The following CFAP299 variants were observed in gnomAD, a reference collection of about 807,000 sequenced individuals.
CFAP299 encodes cilia and flagella associated protein 299.
A neutral mutation model predicts 27.0 loss-of-function variants in CFAP299; 21 were observed. The ratio of observed to expected loss-of-function variants is 0.78; its 90% CI spans 0.55 to 1.12. The LOEUF (loss-of-function observed/expected upper bound fraction) is 1.12. CFAP299 is among the 50% of genes most tolerant of loss of function. CFAP299 has a pLI of 0.00. For synonymous variants in CFAP299, 104 were observed against 98.1 expected, an observed-to-expected ratio of 1.06 and a Z score of -0.36; for missense variants, 310 against 276.6, an observed-to-expected ratio of 1.12 and a Z score of -0.86.
At chr4:80,387,241 G>A in intron 2 of CFAP299, 1 of 1,563,100 alleles carries the variant, frequency 6.4e-7, no homozygotes, top group South Asian at 1.1e-5. Flanking sequence ...CCTTGTTGCA[G>A]AAGTGGCCGG....
At chr4:80,458,494 C>T (rs185332668) in intron 2 of CFAP299, among the ~76,000 whole-genome samples, 132 of 152,258 alleles carry the variant, frequency 8.7e-4, no homozygotes, top group African/African-American at 2.9e-3. Context: ...AAAAAAATCT[C>T]ACCAAGGGAG....
intron 3 of CFAP299, among the ~76,000 whole-genome samples, chr4:80,698,685 C>T (rs775909520): frequency 8.5e-5 from 13 of 152,212 alleles, no homozygotes; most frequent in Non-Finnish European, 1.5e-4. Context: ...AATTGACTCA[C>T]AGTTCCACAT....
At chr4:80,356,815 G>A (rs144498205) in intron 1 of CFAP299, among the ~76,000 whole-genome samples, 8 of 151,928 alleles carry the variant, frequency 5.3e-5, no homozygotes, top group East Asian at 3.9e-4. Flanking sequence ...TCCCTATTTC[G>A]ATATGCTTTA....
intron 2 of CFAP299, among the ~76,000 whole-genome samples, chr4:80,510,828 A>G (rs754519928): frequency 5.3e-5 from 8 of 152,210 alleles, no homozygotes; most frequent in Non-Finnish European, 8.8e-5. Flanking sequence ...AGTATGTACA[A>G]TGTTAGATCC....
At chr4:80,490,578 G>A (rs183701677) in intron 2 of CFAP299, among the ~76,000 whole-genome samples, 1 of 152,062 alleles carries the variant, frequency 6.6e-6, no homozygotes, top group Non-Finnish European at 1.5e-5. Context: ...AACCAATAGG[G>A]TTTACATCCT....
intron 3 of CFAP299, among the ~76,000 whole-genome samples, chr4:80,618,533 A>G (rs1738412484): frequency 6.6e-6 from 1 of 152,158 alleles, no homozygotes; most frequent in Non-Finnish European, 1.5e-5. Context: ...AGGGATATAT[A>G]GAAATAATTT....
At chr4:80,603,658 A>G (rs536562400) in intron 3 of CFAP299, among the ~76,000 whole-genome samples, 2 of 152,312 alleles carry the variant, frequency 1.3e-5, no homozygotes, top group East Asian at 3.9e-4. Context: ...TGTTCAGCAC[A>G]TTGTTTTTTA....
At chr4:80,563,777 T>C (rs940883195) in intron 2 of CFAP299, among the ~76,000 whole-genome samples, 3 of 151,720 alleles carry the variant, frequency 2.0e-5, no homozygotes, top group Non-Finnish European at 4.4e-5. Context: ...TTTGAAAAGT[T>C]AAACAAAATT....
intron 2 of CFAP299, among the ~76,000 whole-genome samples, chr4:80,499,701 G>A (rs1433966772): frequency 6.6e-6 from 1 of 151,980 alleles, no homozygotes; most frequent in African/African-American, 2.4e-5. Flanking sequence ...AGATGGGTGG[G>A]TGCGTGCACA....
At chr4:80,707,765 T>A (rs1285103044) in intron 3 of CFAP299, among the ~76,000 whole-genome samples, 2 of 152,072 alleles carry the variant, frequency 1.3e-5, no homozygotes, top group African/African-American at 4.8e-5. Flanking sequence ...TTCATTCAAC[T>A]TCAATGAGTG....
intron 3 of CFAP299, among the ~76,000 whole-genome samples, chr4:80,647,465 A>G (rs1740082435): frequency 6.6e-6 from 1 of 152,132 alleles, no homozygotes; most frequent in Admixed American, 6.6e-5. Flanking sequence ...GAGTCCAAAT[A>G]TTGCTAAATA....
At chr4:80,566,917 A>G (rs1560628240) in intron 2 of CFAP299, among the ~76,000 whole-genome samples, 2 of 152,106 alleles carry the variant, frequency 1.3e-5, no homozygotes, top group Non-Finnish European at 2.9e-5. Flanking sequence ...GACCTACCAT[A>G]TTTAAGTATT....
intron 3 of CFAP299, among the ~76,000 whole-genome samples, chr4:80,689,400 A>T (rs1720487614): frequency 6.6e-6 from 1 of 152,222 alleles, no homozygotes; most frequent in Non-Finnish European, 1.5e-5. Context: ...ACATTCTCAA[A>T]GAAAAGAATT....
chr4:80,885,005 C>G (rs1248177483), intron 4 of CFAP299, among the ~76,000 whole-genome samples: 1 of 152,194 alleles, frequency 6.6e-6, no homozygotes, highest in Admixed American at 6.5e-5. Flanking sequence ...CTCCCCCATA[C>G]CCCAGCAACA....
chr4:80,842,001 G>A (rs1157593713), intron 3 of CFAP299, among the ~76,000 whole-genome samples: 1 of 152,100 alleles, frequency 6.6e-6, no homozygotes, highest in Non-Finnish European at 1.5e-5. Context: ...AAGGAAAAGA[G>A]ACTGAATATC....
chr4:80,439,830 T>G (rs766929117), intron 2 of CFAP299, among the ~76,000 whole-genome samples: 4 of 152,102 alleles, frequency 2.6e-5, no homozygotes, highest in Non-Finnish European at 4.4e-5. Context: ...ATCACAGCAG[T>G]CTGAAGTCGA....
intron 4 of CFAP299, among the ~76,000 whole-genome samples, chr4:80,939,614 T>C (rs1737091706): frequency 6.6e-6 from 1 of 152,200 alleles, no homozygotes; most frequent in African/African-American, 2.4e-5. Context: ...CATATGACTA[T>C]TTTAAATAAT....
chr4:80,940,230 G>A (rs1380539766), intron 4 of CFAP299, among the ~76,000 whole-genome samples: 1 of 152,126 alleles, frequency 6.6e-6, no homozygotes, highest in Non-Finnish European at 1.5e-5. Context: ...TTGTTTTGAA[G>A]CCTCATCCCT....
At chr4:80,802,289 C>A (rs1387512803) in intron 3 of CFAP299, among the ~76,000 whole-genome samples, 1 of 151,884 alleles carries the variant, frequency 6.6e-6, no homozygotes, top group East Asian at 1.9e-4. Context: ...TAAGTCTTAC[C>A]CATTTTGAGG....
Sources: gnomAD v4.1 joint callset for allele counts (sites outside exome capture counted in the v4.1 genomes callset) on GRCh38, gnomAD v4.1.1 for gene constraint, MANE v1.5 for transcripts, NCBI Gene and HGNC (gene_info 2026-07-23, HGNC 2026-07-21) for gene names.